Variants in SPECC1 observed in about 807,000 individuals in gnomAD.
SPECC1 encodes the protein sperm antigen with calponin homology and coiled-coil domains 1, also known as cytospin-B.
A neutral mutation model predicts 104.1 loss-of-function variants in SPECC1; 62 were observed. The ratio of observed to expected loss-of-function variants is 0.60; its 90% CI spans 0.49 to 0.74. The LOEUF is 0.74. Ranked by LOEUF, SPECC1 falls within the 30% of genes least tolerant of loss-of-function variation. SPECC1 has a pLI of 0.00. For missense variants in SPECC1, 1,306 were observed against 1,310.5 expected (o/e 1.00, Z 0.05); for synonymous variants, 513 against 501.6 (o/e 1.02, Z -0.30).
intron 3 of SPECC1, among the ~76,000 whole-genome samples, chr17:20,172,362 T>C (rs1056295739): frequency 1.9e-4 from 29 of 152,240 alleles, no homozygotes; most frequent in Admixed American, 5.9e-4. Flanking sequence ...ACTCCTGTTA[T>C]TTTTACTCTC....
chr17:20,261,458 C>T (rs570252660), intron 12 of SPECC1, among the ~76,000 whole-genome samples: 22 of 148,018 alleles, frequency 1.5e-4, no homozygotes, highest in African/African-American at 4.8e-4. Flanking sequence ...GCCAAGATTG[C>T]GCCACTGCAC....
intron 3 of SPECC1, among the ~76,000 whole-genome samples, chr17:20,192,658 C>T (rs1411516720): frequency 1.3e-5 from 2 of 152,104 alleles, no homozygotes; most frequent in Non-Finnish European, 2.9e-5. Context: ...CTTCTACCTC[C>T]CAGTTTCTTT....
chr17:20,064,396 G>A (rs1444370186), intron 1 of SPECC1, among the ~76,000 whole-genome samples: 1 of 152,190 alleles, frequency 6.6e-6, no homozygotes, highest in Non-Finnish European at 1.5e-5. Flanking sequence ...ATCTGCTTTG[G>A]AATCAAAAGG....
At chr17:20,110,753 G>A (rs533641652) in intron 3 of SPECC1, among the ~76,000 whole-genome samples, 191 bp downstream of exon 3, 2 of 152,104 alleles carry the variant, frequency 1.3e-5, no homozygotes, top group Non-Finnish European at 2.9e-5. Context: ...TGGGGAGACC[G>A]ATGAGAAGCA....
At chr17:20,067,598 C>A (rs778868338) in intron 1 of SPECC1, among the ~76,000 whole-genome samples, 2 of 152,016 alleles carry the variant, frequency 1.3e-5, no homozygotes, top group Admixed American at 6.6e-5. Context: ...GTATCACTTT[C>A]TCTATTGAGA....
At chr17:20,063,455 T>C (rs1388123751) in intron 1 of SPECC1, among the ~76,000 whole-genome samples, 2 of 152,242 alleles carry the variant, frequency 1.3e-5, no homozygotes, top group Admixed American at 6.5e-5. Flanking sequence ...TCTATCTTGT[T>C]AGTCCTTTCA....
chr17:20,140,714 G>A (rs2030672789), intron 3 of SPECC1, among the ~76,000 whole-genome samples: 1 of 152,186 alleles, frequency 6.6e-6, no homozygotes, highest in Non-Finnish European at 1.5e-5. Flanking sequence ...AGTGTGTCCT[G>A]TAAACATGGG....
At chr17:20,216,260 C>T (rs947742329) in intron 4 of SPECC1, among the ~76,000 whole-genome samples, 1 of 152,006 alleles carries the variant, frequency 6.6e-6, no homozygotes, top group African/African-American at 2.4e-5. Flanking sequence ...TCGGGGAGAG[C>T]ATCCCCCCCA....
At chr17:20,244,490 A>AT (rs547090128) in intron 7 of SPECC1, among the ~76,000 whole-genome samples, 29 of 150,288 alleles carry the variant, frequency 1.9e-4, no homozygotes, top group African/African-American at 4.2e-4. Flanking sequence ...CAGTTTACTG[A>AT]TTTTTTTTTT....
intron 1 of SPECC1, among the ~76,000 whole-genome samples, chr17:20,066,911 ATTTTTTTT>A (rs371289652): frequency 3.3e-5 from 4 of 120,112 alleles, no homozygotes; most frequent in East Asian, 4.7e-4. Flanking sequence ...GGCTAATCAA[ATTTTTTTT>A]TTTTTTTTTT....
chr17:20,246,072 G>T lies in SPECC1; in HGVS notation c.2497+1G>T, dbSNP rs188570157. 2 of 1,613,642 alleles carry T rather than the reference G, an allele frequency of 1.2e-6. No individual in the cohort carries two copies. The highest frequency in any genetic ancestry group is 4.5e-5 in the East Asian group (2 of 44,868). Reference sequence around the variant, plus strand: ...AAGTCATTTGACTTGGGACGCCCAGGTATTTAATCATTTTTTCTATAAGCA... The same window carrying T: ...AAGTCATTTGACTTGGGACGCCCAGTTATTTAATCATTTTTTCTATAAGCA... On this transcript the variant is annotated splice_donor_variant, in intron 8 of 14. Coordinates refer to ENST00000395527, the MANE Select transcript of SPECC1 (RefSeq NM_001243439.2). LOFTEE classifies it high-confidence loss of function.
In SPECC1 at chr17:20,318,192, G is replaced by T. The variant is rs1283864408; in HGVS notation, c.*4127G>T. 1 of 230,954 alleles carries T rather than the reference G, an allele frequency of 4.3e-6. No homozygotes were observed. Among genetic ancestry groups the T allele is most frequent in the Non-Finnish European group, 8.6e-6 (1 of 116,744 alleles). The allele number at this position is 230,954 out of a possible 1,614,324, so 14.3% of individuals were successfully genotyped here. On this transcript the variant is annotated 3_prime_UTR_variant, in exon 15 of 15. Transcript: ENST00000395527. ...TTTACATGAAAGACAGCTGCAAAAT[G>T]CAAGCCCCAGTAGAGTTGGAGAGTT...
intron 7 of SPECC1, among the ~76,000 whole-genome samples, chr17:20,239,916 C>T (rs563537277): frequency 4.5e-4 from 52 of 115,626 alleles, no homozygotes; most frequent in African/African-American, 1.5e-3. Context: ...TTTTTAAAGA[C>T]AGGGCCTCAC....
intron 3 of SPECC1, among the ~76,000 whole-genome samples, chr17:20,186,421 C>T (rs777253299): frequency 7.9e-5 from 12 of 152,124 alleles, no homozygotes; most frequent in South Asian, 4.1e-4. Context: ...TAGACTTGCT[C>T]GATGCAGGGT....
chr17:20,056,162 A>G (rs1279474340), intron 1 of SPECC1: 2 of 152,270 alleles, frequency 1.3e-5, no homozygotes, highest in Non-Finnish European at 2.9e-5. Context: ...GTGGGTTCCA[A>G]GAGATATCTG....
chr17:20,057,441 AAAAC>A (rs1305151358), intron 1 of SPECC1, among the ~76,000 whole-genome samples: 2 of 152,122 alleles, frequency 1.3e-5, no homozygotes, highest in African/African-American at 4.8e-5. Context: ...ACTCCATCTC[AAAAC>A]AAACAAACAA....
intron 1 of SPECC1, among the ~76,000 whole-genome samples, chr17:20,067,832 C>T (rs1216350310): frequency 1.3e-5 from 2 of 152,074 alleles, no homozygotes; most frequent in Non-Finnish European, 2.9e-5. Context: ...ATTACCCCCC[C>T]GCCCCGAAAA....
chr17:20,164,001 A>C (rs1394435436), intron 3 of SPECC1, among the ~76,000 whole-genome samples: 1 of 152,216 alleles, frequency 6.6e-6, no homozygotes, highest in African/African-American at 2.4e-5. Flanking sequence ...AATTCTCATA[A>C]ACATTAAAAG....
At chr17:20,045,483 T>G (rs2045503714) in intron 1 of SPECC1, among the ~76,000 whole-genome samples, 1 of 152,240 alleles carries the variant, frequency 6.6e-6, no homozygotes, top group South Asian at 2.1e-4. Flanking sequence ...TTTTGCCAGT[T>G]GTTCTAAAGA....
Sources: allele counts gnomAD v4.1 joint callset (sites outside exome capture counted in the v4.1 genomes callset), GRCh38; gene constraint gnomAD v4.1.1; transcripts MANE v1.5; gene names NCBI Gene and HGNC (gene_info 2026-07-23, HGNC 2026-07-21).